TDRD6: variants seen among roughly 807,000 people sequenced by gnomAD.
The protein encoded by TDRD6 is tudor domain containing 6.
Under a neutral mutation model 157.5 loss-of-function variants are expected in TDRD6, and 186 were observed. The observed-to-expected ratio is 1.18, with a 90% CI of 1.05 to 1.33. The LOEUF is 1.33. Ranked by LOEUF, TDRD6 falls within the 40% of genes most tolerant of loss-of-function variation. The probability of loss-of-function intolerance (pLI) is 0.00; values close to 1 mark genes in which losing one functional copy is unlikely to be tolerated. For synonymous variants in TDRD6, 1,075 were observed against 945.2 expected (o/e 1.14, Z -2.52); for missense variants, 3,066 against 2,508.0 (o/e 1.22, Z -4.75).
chr6:46,693,712 G>A lies in TDRD6; in HGVS notation c.5584G>A (p.Val1862Met). ...ESIELQNSLV[V>M]DEEKGELSPV... is the part of the protein sequence containing the mutation. ...TATTGAGTTACAGAATTCTCTGGTG[G>A]TGGATGAAGAAAAAGGGGAGCTAAG... is the stretch of plus-strand genomic sequence containing the variant. Residue 1862 changes from valine to methionine, a missense_variant, in exon 1 of 4, where the codon GTG becomes ATG. Physicochemically the swap from Val to Met is conservative, Grantham distance 21. Transcript: ENST00000316081. 2 of 1,614,190 alleles carry A rather than the reference G, an allele frequency of 1.2e-6. No homozygotes were observed. The highest frequency in any genetic ancestry group is 1.7e-6 in the Non-Finnish European group (2 of 1,180,038).
intron 3 of TDRD6, among the ~76,000 whole-genome samples, chr6:46,699,193 G>A (rs1449757097): frequency 1.3e-5 from 2 of 152,102 alleles, no homozygotes; most frequent in Non-Finnish European, 2.9e-5. Context: ...CTCTTATCCA[G>A]CCTCCAATGG....
In TDRD6 at chr6:46,692,864, G is replaced by C. The variant is rs1764378523; in HGVS notation, c.4736G>C (p.Arg1579Thr). ...YIGDPCIVRY[R>T]EDGHYYRALI... is the part of the protein sequence containing the mutation. Reference sequence around the variant, plus strand: ...GGAGATCCTTGTATAGTAAGATACAGAGAAGATGGACATTATTATAGGGCA... The same window carrying C: ...GGAGATCCTTGTATAGTAAGATACACAGAAGATGGACATTATTATAGGGCA... The change falls in exon 1 of 4, where the codon AGA becomes ACA. Residue 1579 changes from arginine (R) to threonine (T), a missense_variant. Physicochemically the swap from Arg to Thr is moderately conservative, Grantham distance 71. Coordinates refer to ENST00000316081, the MANE Select transcript of TDRD6 (RefSeq NM_001010870.3). 2 of 1,614,100 alleles carry C rather than the reference G, an allele frequency of 1.2e-6. No homozygotes were observed. The highest frequency in any genetic ancestry group is 2.2e-5 in the East Asian group (1 of 44,870).
upstream of TDRD6, among the ~76,000 whole-genome samples, chr6:46,687,343 G>A (rs1018002767): frequency 2.6e-5 from 4 of 152,280 alleles, no homozygotes; most frequent in African/African-American, 9.6e-5. Flanking sequence ...AGTGTGGGAA[G>A]GGAAATATGT....
chr6:46,699,117 A>G (rs1413704647), intron 3 of TDRD6, among the ~76,000 whole-genome samples: 3 of 152,140 alleles, frequency 2.0e-5, no homozygotes, highest in African/African-American at 4.8e-5. Context: ...TAGCATTAGG[A>G]GTTAAACATT....
chr6:46,688,555 T>A lies in TDRD6; in HGVS notation c.427T>A (p.Ser143Thr). ...GLVPAGCGAG[S>T]GEPPQHWPAD... The stretch of plus-strand genomic sequence containing the variant: ...GGTGCCGGCAGGCTGCGGCGCGGGC[T>A]CAGGCGAGCCGCCGCAGCACTGGCC... The change falls in exon 1 of 4, where the codon TCA becomes ACA. Residue 143 changes from serine (S) to threonine (T), a missense_variant. Transcript: ENST00000316081. 1 of 1,584,506 alleles carries A rather than the reference T, an allele frequency of 6.3e-7. No homozygotes were observed.
At position 46,688,264 on chromosome 6, in the gene TDRD6, C is replaced by T; in HGVS notation, c.136C>T (p.Leu46=). The T allele has an allele frequency of 1.3e-6, 2 of 1,508,352 alleles. No homozygotes were observed. The highest frequency in any genetic ancestry group is 2.2e-5 in the Admixed American group (1 of 45,186). 93.4% of individuals were successfully genotyped at this position (1,508,352 alleles called of 1,614,324 possible). ...VGERRGEYLR[L]SREIQEAAAT... ...CGAGCGGCGGGGCGAGTACCTGCGG[C>T]TGAGCCGGGAAATCCAGGAAGCGGC... The change falls in exon 1 of 4, where the codon CTG becomes TTG. Residue 46 remains leucine, a synonymous_variant. Coordinates refer to ENST00000316081, the MANE Select transcript of TDRD6 (RefSeq NM_001010870.3).
chr6:46,689,844 A>T lies in TDRD6; in HGVS notation c.1716A>T (p.Arg572=), dbSNP rs1287456721. 1.2e-6 allele frequency: 2 copies of T among 1,614,178 alleles called. No individual in the cohort carries two copies. Among genetic ancestry groups the T allele is most frequent in the Non-Finnish European group, 1.7e-6 (2 of 1,180,036 alleles). The part of the protein sequence containing the change: ...DKSVDVFLVD[R]GNSENVDWYD... The stretch of plus-strand genomic sequence containing the variant: ...GTGTGGATGTATTCTTAGTTGACCG[A>T]GGCAATTCGGAAAATGTGGACTGGT... The change falls in exon 1 of 4, where the codon CGA becomes CGT. Residue 572 remains arginine (R), a synonymous_variant. Coordinates refer to ENST00000316081, the MANE Select transcript of TDRD6 (RefSeq NM_001010870.3).
At position 46,689,003 on chromosome 6, in the gene TDRD6, G is replaced by C. The variant is rs757055956; in HGVS notation, c.875G>C (p.Gly292Ala). ...GCCCAGGTATACCGGGGTTCCACGG[G>C]GACAGGGGATGAGAACTCTACCAGT... ...SMAQVYRGST[G>A]TGDENSTSAT... is the part of the protein sequence containing the mutation. The change falls in exon 1 of 4, where the codon GGG becomes GCG. Residue 292 changes from glycine (G) to alanine (A), a missense_variant. Gly to Ala is a moderately conservative substitution (Grantham distance 60). Transcript: ENST00000316081. The C allele has an allele frequency of 1.9e-6, 3 of 1,613,812 alleles. No individual in the cohort carries two copies. The highest frequency in any genetic ancestry group is 1.7e-6 in the Non-Finnish European group (2 of 1,179,798).
chr6:46,686,188 G>A (rs972667912), upstream of TDRD6, among the ~76,000 whole-genome samples: 1 of 152,142 alleles, frequency 6.6e-6, no homozygotes, highest in African/African-American at 2.4e-5. Flanking sequence ...AAGGAGTTTG[G>A]TTATACTACA....
At position 46,692,721 on chromosome 6, in the gene TDRD6, T is replaced by A; in HGVS notation, c.4593T>A (p.Pro1531=). Reference sequence around the variant, plus strand: ...CTTATGCCACTGTGATAGATGGACCTGAGTACTTTTGGTGTCAGTTTGCTG... The same window carrying A: ...CTTATGCCACTGTGATAGATGGACCAGAGTACTTTTGGTGTCAGTTTGCTG... ...IRAYATVIDG[P]EYFWCQFADT... Residue 1531 remains proline, a synonymous_variant, in exon 1 of 4, where the codon CCT becomes CCA. Transcript: ENST00000316081. 1.2e-6 allele frequency: 2 copies of A among 1,614,204 alleles called. No individual in the cohort carries two copies. The highest frequency in any genetic ancestry group is 1.7e-6 in the Non-Finnish European group (2 of 1,180,040).
intron 2 of TDRD6, among the ~76,000 whole-genome samples, chr6:46,696,516 T>G: frequency 7.0e-6 from 1 of 142,038 alleles, no homozygotes; most frequent in Non-Finnish European, 1.5e-5. Context: ...TATATGTATA[T>G]ATATGTGTGT....
chr6:46,689,206 C>T lies in TDRD6; in HGVS notation c.1078C>T (p.Arg360Trp), dbSNP rs754163180. ...RKELVSCSSL[R>W]YLLPEYFRMP... ...GGAGTTAGTGAGTTGCAGCAGCCTT[C>T]GGTACTTGCTGCCTGAATATTTTCG... Residue 360 changes from arginine (R) to tryptophan (W), a missense_variant, in exon 1 of 4, where the codon CGG becomes TGG. Transcript: ENST00000316081. 11 of 1,614,116 alleles carry T rather than the reference C, an allele frequency of 6.8e-6. No homozygotes were observed. Among genetic ancestry groups the T allele is most frequent in the South Asian group, 6.6e-5 (6 of 91,066 alleles).
chr6:46,684,085 C>T (rs1156656353), upstream of TDRD6, among the ~76,000 whole-genome samples: 3 of 152,086 alleles, frequency 2.0e-5, no homozygotes, highest in Non-Finnish European at 4.4e-5. Flanking sequence ...GCCAATCCTG[C>T]TGTAATTCAA....
chr6:46,693,032 G>T lies in TDRD6; in HGVS notation c.4904G>T (p.Cys1635Phe). 6 of 1,613,466 alleles carry T rather than the reference G, an allele frequency of 3.7e-6. No individual in the cohort carries two copies. The highest frequency in any genetic ancestry group is 1.1e-5 in the South Asian group (1 of 90,946). The change falls in exon 1 of 4, where the codon TGC becomes TTC. Residue 1635 changes from cysteine to phenylalanine, a missense_variant. By Grantham distance (205) the Cys-to-Phe change is radical (BLOSUM62 -2). Transcript: ENST00000316081. Reference protein sequence around the residue: ...LSVPMQAFPCCLSGFNISEGL... With the variant: ...LSVPMQAFPCFLSGFNISEGL... Reference sequence around the variant, plus strand: ...GTTCCCATGCAAGCCTTTCCATGTTGCCTCTCAGGGTTTAACATTTCAGAA... The same window carrying T: ...GTTCCCATGCAAGCCTTTCCATGTTTCCTCTCAGGGTTTAACATTTCAGAA...
rs1562055008 is a variant in TDRD6 at position 46,690,811 on chromosome 6, C to T, written c.2683C>T (p.Pro895Ser). The T allele has an allele frequency of 6.2e-7, 1 of 1,614,018 alleles. No individual in the cohort carries two copies. Among genetic ancestry groups the T allele is most frequent in the Non-Finnish European group, 8.5e-7 (1 of 1,179,984 alleles). The part of the protein sequence containing the change: ...YNLIQPVGQN[P>S]FVWDVKAIQA... ...TTTAATTCAACCAGTTGGCCAGAAT[C>T]CCTTTGTTTGGGATGTAAAGGCAAT... is the stretch of plus-strand genomic sequence containing the variant. The change falls in exon 1 of 4, where the codon CCC (proline) becomes TCC (serine). Residue 895 changes from proline to serine, a missense_variant. Physicochemically the swap from Pro to Ser is moderately conservative, Grantham distance 74 (BLOSUM62 -1). Transcript: ENST00000316081.
Position 46,688,969 on chromosome 6 carries a change from G to A in TDRD6, c.841G>A (p.Glu281Lys). 1.9e-6 allele frequency: 3 copies of A among 1,613,498 alleles called. No homozygotes were observed. The South Asian group carries it at 3.3e-5, about 18-fold the overall frequency. ...SVSQEIHRLS[E>K]SMAQVYRGST... is the part of the protein sequence containing the mutation. ...CTCGCAGGAGATCCACCGCCTCTCC[G>A]AGAGCATGGCCCAGGTATACCGGGG... The change falls in exon 1 of 4, where the codon GAG becomes AAG. Residue 281 changes from glutamate (E) to lysine (K), a missense_variant. Glu to Lys is a moderately conservative substitution (Grantham distance 56). Transcript: ENST00000316081.
intron 1 of TDRD6, 108 bp from the exon 2 acceptor site, chr6:46,695,713 A>AT: frequency 9.0e-7 from 1 of 1,117,164 alleles, no homozygotes; most frequent in Non-Finnish European, 1.3e-6. Flanking sequence ...TAATTACATG[A>AT]TATTGATGAT....
rs774358111 is a variant in TDRD6 at position 46,689,252 on chromosome 6, C to T, written c.1124C>T (p.Pro375Leu). The change falls in exon 1 of 4, where the codon CCT (proline) becomes CTT (leucine). Residue 375 changes from proline (P) to leucine (L), a missense_variant. By Grantham distance (98) the Pro-to-Leu change is moderately conservative. Transcript: ENST00000316081. ...TTTCGAATGCCGGTGGTGACCTACC[C>T]TTGTGCTTTGTATGGACTCTGGGAC... is the stretch of plus-strand genomic sequence containing the variant. ...EYFRMPVVTY[P>L]CALYGLWDGG... 1 of 1,614,146 alleles carries T rather than the reference C, an allele frequency of 6.2e-7. No individual in the cohort carries two copies. The highest frequency in any genetic ancestry group is 8.5e-7 in the Non-Finnish European group (1 of 1,180,020).
At chr6:46,697,651 C>T (rs1225969644) in intron 2 of TDRD6, among the ~76,000 whole-genome samples, 1 of 151,572 alleles carries the variant, frequency 6.6e-6, no homozygotes, top group African/African-American at 2.4e-5. Flanking sequence ...CTTTGGGAGG[C>T]CAAGGCAGGT....
Sources: allele counts gnomAD v4.1 joint callset (sites outside exome capture counted in the v4.1 genomes callset), GRCh38; gene constraint gnomAD v4.1.1; transcripts MANE v1.5; gene names NCBI Gene and HGNC (gene_info 2026-07-23, HGNC 2026-07-21).